Variants in SMC5 observed in about 807,000 individuals in gnomAD.
SMC5 encodes the protein structural maintenance of chromosomes protein 5.
SMC5 carries 88 observed loss-of-function variants against 148.3 expected under a neutral mutation model. The ratio of observed to expected loss-of-function variants is 0.59; its 90% confidence interval spans 0.50 to 0.71. The LOEUF is 0.71. SMC5 is among the 30% of genes least tolerant of loss of function. The pLI is 0.00. For missense variants in SMC5, 1,142 were observed against 1,298.9 expected (o/e 0.88, Z 1.86); for synonymous variants, 421 against 432.8 (o/e 0.97, Z 0.34).
intron 10 of SMC5, among the ~76,000 whole-genome samples, chr9:70,302,502 A>AAAAT (rs1554693938): frequency 5.3e-4 from 79 of 149,528 alleles, no homozygotes; most frequent in East Asian, 5.0e-3. Context: ...AAGAAAAAAA[A>AAAAT]ATATATATAT....
rs765868555 is a variant in SMC5 at position 70,344,174 on chromosome 9, C to A, written c.2428C>A (p.Gln810Lys). The change falls in exon 18 of 25, where the codon CAG becomes AAG. Residue 810 changes from glutamine to lysine, a missense_variant. Around this residue, in one of 5 missense-constraint regions of SMC5, gnomAD observed 743 missense variants for 835.7 expected, o/e 0.89. Transcript: ENST00000361138. ...TTTCATTGAATTGGATGAAAATAGA[C>A]AGAGATTATTGCAGAAATGCAAGGA... ...QHFIELDENR[Q>K]RLLQKCKELM... 6.5e-7 allele frequency: 1 copy of A among 1,549,274 alleles called. No individual in the cohort carries two copies.
chr9:70,326,661 C>A (rs1001639567), intron 17 of SMC5, among the ~76,000 whole-genome samples: 11 of 143,134 alleles, frequency 7.7e-5, no homozygotes, highest in Non-Finnish European at 1.1e-4. Context: ...TTAAAAGCTA[C>A]ACTCATCTAA....
At chr9:70,302,972 A>G (rs1403309791) in intron 10 of SMC5, among the ~76,000 whole-genome samples, 4 of 152,164 alleles carry the variant, frequency 2.6e-5, no homozygotes, top group Non-Finnish European at 4.4e-5. Flanking sequence ...GCTCATGCCT[A>G]TAATTCCAGC....
intron 3 of SMC5, among the ~76,000 whole-genome samples, chr9:70,275,915 A>T (rs749962815): frequency 2.0e-5 from 3 of 152,162 alleles, no homozygotes; most frequent in Non-Finnish European, 2.9e-5. Flanking sequence ...TTTCTTAGTC[A>T]TCCAAATATC....
intron 16 of SMC5, 87 bp downstream of exon 16, chr9:70,323,693 T>G: frequency 7.2e-7 from 1 of 1,388,334 alleles, no homozygotes. Flanking sequence ...GGGAAGGTTT[T>G]GATTAAGGTT....
At chr9:70,333,133 T>C (rs1303313059) in intron 17 of SMC5, among the ~76,000 whole-genome samples, 1 of 152,066 alleles carries the variant, frequency 6.6e-6, no homozygotes, top group East Asian at 1.9e-4. Flanking sequence ...CCAAACACAA[T>C]CATCTTTATG....
At position 70,277,542 on chromosome 9, in the gene SMC5, G is replaced by T. The variant is rs1384167208; in HGVS notation, c.543+70G>T. 8 of 1,292,154 alleles carry T rather than the reference G, an allele frequency of 6.2e-6. No individual in the cohort carries two copies. Among genetic ancestry groups the T allele is most frequent in the Non-Finnish European group, 7.3e-6 (7 of 962,324 alleles). 80.0% of individuals were successfully genotyped at this position (1,292,154 alleles called of 1,614,324 possible). ...TGTTTCCTTTTTATGCCGTTGAAGGGATATCATAATGACTGCTATTTAAAT... is the reference window on the plus strand; with the variant it reads ...TGTTTCCTTTTTATGCCGTTGAAGGTATATCATAATGACTGCTATTTAAAT... On this transcript the variant is annotated intron_variant, in intron 4 of 24. Coordinates refer to ENST00000361138, the MANE Select transcript of SMC5 (RefSeq NM_015110.4).
intron 3 of SMC5, among the ~76,000 whole-genome samples, chr9:70,268,437 C>T (rs990700292): frequency 6.6e-6 from 1 of 151,684 alleles, no homozygotes; most frequent in Non-Finnish European, 1.5e-5. Context: ...CAGAGCTAGA[C>T]TCTGCCCATG....
chr9:70,314,916 C>G (rs1222585998), intron 12 of SMC5, 80 bp downstream of exon 12: 12 of 924,562 alleles, frequency 1.3e-5, no homozygotes, highest in Non-Finnish European at 1.9e-5. Flanking sequence ...CTATTACAAG[C>G]TGTATTATTT....
At chr9:70,340,837 A>G (rs902892453) in intron 17 of SMC5, among the ~76,000 whole-genome samples, 6 of 152,124 alleles carry the variant, frequency 3.9e-5, no homozygotes, top group Non-Finnish European at 7.4e-5. Flanking sequence ...TACAATTTCC[A>G]TGAGAAGTGA....
At position 70,300,091 on chromosome 9, in the gene SMC5, A is replaced by C; in HGVS notation, c.1355A>C (p.Lys452Thr). The C allele has an allele frequency of 6.3e-7, 1 of 1,598,828 alleles. No individual in the cohort carries two copies. The highest frequency in any genetic ancestry group is 8.5e-7 in the Non-Finnish European group (1 of 1,176,176). Residue 452 changes from lysine (K) to threonine (T), a missense_variant, in exon 10 of 25, where the codon AAG becomes ACG. Physicochemically the swap from Lys to Thr is moderately conservative, Grantham distance 78 (BLOSUM62 -1). This residue lies in a region of SMC5 where 743 missense variants were observed against 835.7 expected (regional missense o/e 0.89). Coordinates refer to ENST00000361138, the MANE Select transcript of SMC5 (RefSeq NM_015110.4). ...CGTTTTGACAATCTTATGAATCAGA[A>C]GGAAGATAAGCTAAGACAGAGATTC... The part of the protein sequence containing the change: ...IVRFDNLMNQ[K>T]EDKLRQRFRD...
At position 70,304,022 on chromosome 9, in the gene SMC5, T is replaced by C. The variant is rs1465203620; in HGVS notation, c.1465-1225T>C. 3.3e-5 allele frequency among the ~76,000 whole-genome samples: 5 copies of C among 152,184 alleles called. No homozygotes were observed. The East Asian group carries it at 9.6e-4, about 29-fold the overall frequency. On this transcript the variant is annotated intron_variant, in intron 10 of 24. Coordinates refer to ENST00000361138, the MANE Select transcript of SMC5 (RefSeq NM_015110.4). ...TTATGTACTTCCAGAAGTAGCTTTT[T>C]CCCTAGCTTGTCTTAGTATCTTCCA...
chr9:70,277,698 G>A (rs562157189), intron 4 of SMC5, among the ~76,000 whole-genome samples: 1 of 152,140 alleles, frequency 6.6e-6, no homozygotes, highest in African/African-American at 2.4e-5. Flanking sequence ...TTGAAATAAA[G>A]TATTATTTTT....
In SMC5 at chr9:70,352,196, G is replaced by A; in HGVS notation, c.3171G>A (p.Leu1057=). 2 of 1,607,378 alleles carry A rather than the reference G, an allele frequency of 1.2e-6. No homozygotes were observed. The highest frequency in any genetic ancestry group is 1.1e-5 in the South Asian group (1 of 89,486). ...ATTTGTTTTAATACTTACAGCTCCT[G>A]CAAAATCTTCCTTATTCTGAAAAGA... ...SQYFFITPKL[L]QNLPYSEKMT... Residue 1057 remains leucine (L), a synonymous_variant, in exon 25 of 25, where the codon CTG becomes CTA. Transcript: ENST00000361138.
intron 17 of SMC5, among the ~76,000 whole-genome samples, chr9:70,333,623 C>A (rs544773273): frequency 6.6e-6 from 1 of 152,046 alleles, no homozygotes; most frequent in African/African-American, 2.4e-5. Context: ...CCCAGCTACT[C>A]GGGAGGCTGA....
chr9:70,298,300 A>T, intron 9 of SMC5, 79 bp downstream of exon 9: 1 of 1,437,966 alleles, frequency 7.0e-7, no homozygotes, highest in Non-Finnish European at 9.3e-7. Context: ...CTGCTTCTAT[A>T]ATTATTTCTA....
chr9:70,351,024 T>C (rs565420756), intron 24 of SMC5, among the ~76,000 whole-genome samples: 2 of 152,300 alleles, frequency 1.3e-5, no homozygotes, highest in East Asian at 3.9e-4. Context: ...GATATGTTTT[T>C]AATGTAACCA....
chr9:70,261,031 AC>A (rs2117916638), intron 1 of SMC5, among the ~76,000 whole-genome samples: 1 of 152,210 alleles, frequency 6.6e-6, no homozygotes, highest in South Asian at 2.1e-4. Flanking sequence ...GAGCCACTGC[AC>A]CCGCCTAAGA....
chr9:70,308,537 G>A (rs2035566539), intron 11 of SMC5, among the ~76,000 whole-genome samples: 1 of 132,528 alleles, frequency 7.5e-6, no homozygotes, highest in African/African-American at 2.8e-5. Flanking sequence ...AGAGCTTGCA[G>A]TGAGCCAAGA....
Sources: allele counts gnomAD v4.1 joint callset (sites outside exome capture counted in the v4.1 genomes callset), GRCh38; gene constraint gnomAD v4.1.1; regional missense constraint gnomAD v4.1.1; transcripts MANE v1.5; gene names NCBI Gene and HGNC (gene_info 2026-07-23, HGNC 2026-07-21).